Variants in USF2 observed in about 807,000 individuals in gnomAD.
The protein encoded by USF2 is upstream transcription factor 2, c-fos interacting.
Under a neutral mutation model 46.9 loss-of-function variants are expected in USF2, and 16 were observed. The observed-to-expected ratio is 0.34, with a 90% CI of 0.23 to 0.52. The LOEUF is 0.52. USF2 is among the 20% of genes least tolerant of loss of function. The pLI is 0.96. For missense variants in USF2, 411 were observed against 474.0 expected (o/e 0.87, Z 1.23); for synonymous variants, 239 against 194.1 (o/e 1.23, Z -1.92).
chr19:35,270,773 G>A lies in USF2; in HGVS notation c.636G>A (p.Arg212=), dbSNP rs2066141891. 5 of 1,613,966 alleles carry A rather than the reference G, an allele frequency of 3.1e-6. No homozygotes were observed. Among genetic ancestry groups the A allele is most frequent in the Middle Eastern group, 3.3e-4 (2 of 6,084 alleles). ...ATGTGCTTCAGACAGGAACACAGAGGACGATCGCCCCCCGGACACACCCTT... is the reference window on the plus strand; with the variant it reads ...ATGTGCTTCAGACAGGAACACAGAGAACGATCGCCCCCCGGACACACCCTT... ...PQDVLQTGTQ[R]TIAPRTHPYS... Residue 212 remains arginine (R), a synonymous_variant, in exon 6 of 10, where the codon AGG becomes AGA. Coordinates refer to ENST00000222305, the MANE Select transcript of USF2 (RefSeq NM_003367.4).
chr19:35,276,993 G>C (rs575169610), intron 7 of USF2: 1 of 152,290 alleles, frequency 6.6e-6, no homozygotes, highest in South Asian at 2.1e-4. Flanking sequence ...TGCAGCCGGC[G>C]CCCAGCTCTC....
At chr19:35,278,632 C>G in intron 7 of USF2, 66 bp from the exon 8 acceptor site, 1 of 1,545,100 alleles carries the variant, frequency 6.5e-7, no homozygotes, top group Non-Finnish European at 8.9e-7. Context: ...AGCCTCTGCC[C>G]TGTGAGGACG....
At chr19:35,274,246 G>A (rs1434558669) in intron 7 of USF2, among the ~76,000 whole-genome samples, 2 of 152,202 alleles carry the variant, frequency 1.3e-5, no homozygotes, top group African/African-American at 4.8e-5. Flanking sequence ...CTTCTTTGCA[G>A]AGCAGCAAAA....
At chr19:35,269,200 GC>G in intron 1 of USF2, 37 bp downstream of exon 1, 1 of 972,142 alleles carries the variant, frequency 1.0e-6, no homozygotes, top group Non-Finnish European at 1.2e-6. Flanking sequence ...CCGCGCCCCG[GC>G]CCCGGCCCCG....
Position 35,269,459 on chromosome 19 carries a change from C to T in USF2, c.76C>T (p.Pro26Ser), listed in dbSNP as rs1468628205. The change falls in exon 2 of 10, where the codon CCC (proline) becomes TCC (serine). Residue 26 changes from proline (P) to serine (S), a missense_variant. Around this residue, in one of 2 missense-constraint regions of USF2, gnomAD observed 318 missense variants for 322.4 expected, o/e 0.99. Coordinates refer to ENST00000222305, the MANE Select transcript of USF2 (RefSeq NM_003367.4). ...TGCCCCTGGCAGCCACGACAAGGGACCCGAGGCGGAGGAGGGCGTCGAGCT... is the reference window on the plus strand; with the variant it reads ...TGCCCCTGGCAGCCACGACAAGGGATCCGAGGCGGAGGAGGGCGTCGAGCT... ...AAAAASHDKG[P>S]EAEEGVELQE... 1.3e-6 allele frequency: 2 copies of T among 1,545,098 alleles called. No individual in the cohort carries two copies. The highest frequency in any genetic ancestry group is 2.5e-5 in the East Asian group (1 of 39,830).
At chr19:35,270,868 T>G in intron 6 of USF2, 63 bp downstream of exon 6, 1 of 1,597,318 alleles carries the variant, frequency 6.3e-7, no homozygotes, top group Non-Finnish European at 8.6e-7. Context: ...GTTTCTGGAG[T>G]AGAAGCTGGG....
chr19:35,273,945 T>A (rs910330256), intron 7 of USF2, among the ~76,000 whole-genome samples: 3 of 152,354 alleles, frequency 2.0e-5, no homozygotes, highest in African/African-American at 7.2e-5. Flanking sequence ...CCAAACTCTG[T>A]TCCCCCTTGT....
chr19:35,271,218 CAG>C lies in USF2; in HGVS notation c.727+85_727+86del, dbSNP rs2066151918. On this transcript the variant is annotated intron_variant, in intron 7 of 9. Coordinates refer to ENST00000222305, the MANE Select transcript of USF2 (RefSeq NM_003367.4). Reference sequence around the variant, plus strand: ...CAGCCAGCCCTGGAGTGTGGAGTGACAGAGAGAGAAGCCACTCCTGGGCAGGC... The same window carrying C: ...CAGCCAGCCCTGGAGTGTGGAGTGACAGAGAGAAGCCACTCCTGGGCAGGC... 3.8e-6 allele frequency: 6 copies of C among 1,572,396 alleles called. No individual in the cohort carries two copies. In the African/African-American group the frequency reaches 6.8e-5, roughly 18 times the overall value.
chr19:35,269,533 G>A lies in USF2; in HGVS notation c.109+41G>A, dbSNP rs1455579321. On this transcript the variant is annotated intron_variant, in intron 2 of 9. Transcript: ENST00000222305. ...GCCGGCCGCGCCCGGGGAGGGCTGG[G>A]GGCGCTCGGCGCGGCCCTGACCGTG... 1.9e-6 allele frequency: 3 copies of A among 1,551,952 alleles called. No homozygotes were observed. The African/African-American group carries it at 4.2e-5, about 22-fold the overall frequency.
chr19:35,271,117 A>G lies in USF2; in HGVS notation c.703A>G (p.Arg235Gly), dbSNP rs1568457576. ...IDGTRTPRDE[R>G]RRAQHNEVER... is the part of the protein sequence containing the mutation. The stretch of plus-strand genomic sequence containing the variant: ...TGGAACCAGAACACCCCGAGATGAG[A>G]GGAGAAGAGCCCAGCACAACGAAGG... Residue 235 changes from arginine (R) to glycine (G), a missense_variant, in exon 7 of 10, where the codon AGG becomes GGG. This residue lies in a region of USF2 where 318 missense variants were observed against 322.4 expected (regional missense o/e 0.99). Coordinates refer to ENST00000222305, the MANE Select transcript of USF2 (RefSeq NM_003367.4). 6.2e-7 allele frequency: 1 copy of G among 1,613,154 alleles called. No homozygotes were observed. The highest frequency in any genetic ancestry group is 8.5e-7 in the Non-Finnish European group (1 of 1,179,812).
Position 35,269,139 on chromosome 19 carries a change from C to T in USF2, c.38C>T (p.Ser13Leu), listed in dbSNP as rs1256391454. ...MLDPGLDPAASATAAAAASHD... is the reference protein window; with the variant it reads ...MLDPGLDPAALATAAAAASHD... ...GACCCGGGTCTGGATCCCGCTGCCT[C>T]GGCCACCGCTGCTGCCGCCGCCAGG... The change falls in exon 1 of 10, where the codon TCG becomes TTG. Residue 13 changes from serine to leucine, a missense_variant. Ser to Leu is a moderately radical substitution (Grantham distance 145). Transcript: ENST00000222305. 46 of 977,386 alleles carry T rather than the reference C, an allele frequency of 4.7e-5. No homozygotes were observed. Among genetic ancestry groups the T allele is most frequent in the East Asian group, 1.1e-4 (1 of 9,280 alleles). 60.5% of individuals were successfully genotyped at this position (977,386 alleles called of 1,614,324 possible).
chr19:35,269,260 G>A lies in USF2; in HGVS notation c.62+97G>A, dbSNP rs1389146954. On this transcript the variant is annotated intron_variant, in intron 1 of 9. Transcript: ENST00000222305. ...CCGCCATGATCCCGAGCGGCCGCGG[G>A]CCCGGCTCAAAATGGAGGCCGCCGG... is the stretch of plus-strand genomic sequence containing the variant. 2.1e-5 allele frequency: 20 copies of A among 957,978 alleles called. No homozygotes were observed. In the East Asian group the frequency reaches 1.5e-3, roughly 70 times the overall value. The allele number at this position is 957,978 out of a possible 1,614,324, so 59.3% of individuals were successfully genotyped here.
chr19:35,278,502 G>A (rs911463652), intron 7 of USF2, 196 bp from the exon 8 acceptor site: 6 of 605,752 alleles, frequency 9.9e-6, no homozygotes, highest in East Asian at 8.3e-5. Flanking sequence ...GAGGGCCCAC[G>A]TTTCTTTGTT....
In USF2 at chr19:35,269,712, C is replaced by A; in HGVS notation, c.228+13C>A. ...AAATGGAGGACAGGTGAGCGGCGGG[C>A]CGCGAGGGCGAACGGGCGGGCGGGC... On this transcript the variant is annotated intron_variant, in intron 3 of 9. Transcript: ENST00000222305. 1 of 630,692 alleles carries A rather than the reference C, an allele frequency of 1.6e-6. No homozygotes were observed. The allele number at this position is 630,692 out of a possible 1,614,324, so 39.1% of individuals were successfully genotyped here. A position where few individuals can be genotyped will look rare whatever the true frequency, so the allele number is the denominator to read the frequency against.
chr19:35,279,494 C>T lies in USF2; in HGVS notation c.*238C>T. The T allele has an allele frequency of 2.0e-6, 1 of 494,490 alleles. No individual in the cohort carries two copies. The highest frequency in any genetic ancestry group is 3.5e-6 in the Non-Finnish European group (1 of 287,426). The allele number at this position is 494,490 out of a possible 1,614,324, so 30.6% of individuals were successfully genotyped here. A position where few individuals can be genotyped will look rare whatever the true frequency, so the allele number is the denominator to read the frequency against. On this transcript the variant is annotated 3_prime_UTR_variant, in exon 10 of 10. Transcript: ENST00000222305. ...GTCTGTCTGTCGCCCTTCTCCCGGC[C>T]CTCACTAAGCCCCGGCACTTCTAGT...
intron 6 of USF2, 96 bp downstream of exon 6, chr19:35,270,901 T>C (rs73029994): frequency 0.017 from 26,243 of 1,500,558 alleles, 340 homozygotes; most frequent in South Asian, 0.029. Flanking sequence ...AGTGGGCACA[T>C]GGTGTAATGT....
At chr19:35,272,234 T>C (rs2066167608) in intron 7 of USF2, among the ~76,000 whole-genome samples, 1 of 152,062 alleles carries the variant, frequency 6.6e-6, no homozygotes, top group African/African-American at 2.4e-5. Flanking sequence ...CAGCTCTCTG[T>C]GCGCGTTCTG....
At chr19:35,276,097 A>G in intron 7 of USF2, among the ~76,000 whole-genome samples, 2 of 129,048 alleles carry the variant, frequency 1.5e-5, no homozygotes, top group African/African-American at 3.0e-5. Flanking sequence ...TTTGAGACAG[A>G]GTCTCGCTCT....
rs755325467 is a variant in USF2 at position 35,279,352 on chromosome 19, C to T, written c.*96C>T. ...CAGAGAGGGACACATGCCCCTCCCC[C>T]AGCTGCGTTTTTTTATAGTAGATTT... On this transcript the variant is annotated 3_prime_UTR_variant, in exon 10 of 10. Coordinates refer to ENST00000222305, the MANE Select transcript of USF2 (RefSeq NM_003367.4). 267 of 1,265,658 alleles carry T rather than the reference C, an allele frequency of 2.1e-4. No individual in the cohort carries two copies. Among genetic ancestry groups the T allele is most frequent in the Non-Finnish European group, 2.7e-4 (258 of 969,526 alleles). The allele number at this position is 1,265,658 out of a possible 1,614,324, so 78.4% of individuals were successfully genotyped here. A position where few individuals can be genotyped will look rare whatever the true frequency, so the allele number is the denominator to read the frequency against.
Sources: allele counts gnomAD v4.1 joint callset (sites outside exome capture counted in the v4.1 genomes callset), GRCh38; gene constraint gnomAD v4.1.1; regional missense constraint gnomAD v4.1.1; transcripts MANE v1.5; gene names NCBI Gene and HGNC (gene_info 2026-07-23, HGNC 2026-07-21).